The following FRYL variants were observed in gnomAD, a reference collection of about 807,000 sequenced individuals.
FRYL encodes FRY like transcription coactivator.
A neutral mutation model predicts 351.2 loss-of-function variants in FRYL; 150 were observed. That is an observed-to-expected ratio of 0.43 (90% CI 0.37 to 0.49). The LOEUF (loss-of-function observed/expected upper bound fraction) is 0.49, where lower values mean the gene tolerates loss of function less well. Among genes scored for constraint, FRYL ranks in the 20% least tolerant of loss-of-function variants. FRYL has a pLI of 0.00. For synonymous variants in FRYL, 1,153 were observed against 1,257.1 expected, an observed-to-expected ratio of 0.92 and a Z score of 1.75; for missense variants, 3,036 against 3,619.3, an observed-to-expected ratio of 0.84 and a Z score of 4.13.
chr4:48,736,417 T>A (rs1771407107), intron 1 of FRYL, among the ~76,000 whole-genome samples: 1 of 152,090 alleles, frequency 6.6e-6, no homozygotes, highest in Admixed American at 6.6e-5. Flanking sequence ...AGCTAGTTAT[T>A]TGAGAAGATC....
At chr4:48,652,046 T>A (rs1313637567) in intron 3 of FRYL, among the ~76,000 whole-genome samples, 1 of 152,194 alleles carries the variant, frequency 6.6e-6, no homozygotes, top group Non-Finnish European at 1.5e-5. Flanking sequence ...TACTAACTGC[T>A]AAAAAACAAA....
At chr4:48,537,326 G>C (rs1001101636) in intron 47 of FRYL, among the ~76,000 whole-genome samples, 1 of 152,044 alleles carries the variant, frequency 6.6e-6, no homozygotes, top group Non-Finnish European at 1.5e-5. Context: ...TTTAATTTTG[G>C]AATTTTTGAA....
chr4:48,710,947 G>A (rs1346817854), intron 1 of FRYL, among the ~76,000 whole-genome samples: 1 of 152,252 alleles, frequency 6.6e-6, no homozygotes, highest in South Asian at 2.1e-4. Flanking sequence ...CAACCTAAAT[G>A]TCATCAATTG....
Position 48,561,368 on chromosome 4 carries a change from T to G in FRYL, c.3865+100A>C, listed in dbSNP as rs1229597522. On this transcript the variant is annotated intron_variant, in intron 33 of 63. Transcript: ENST00000358350. ...TTCCTATGTAAAGACATGTCTGGTT[T>G]TGATTTAACCTGTAATTTAATAAAT... 8.1e-6 allele frequency: 6 copies of G among 736,750 alleles called. No homozygotes were observed. The East Asian group carries it at 1.7e-4, about 21-fold the overall frequency. The allele number at this position is 736,750 out of a possible 1,614,324, so 45.6% of individuals were successfully genotyped here. A position where few individuals can be genotyped will look rare whatever the true frequency, so the allele number is the denominator to read the frequency against.
rs1416398211 is a variant in FRYL at position 48,576,127 on chromosome 4, G to C, written c.2624C>G (p.Ala875Gly). ...TGCAGATGTGGAAGATGACGATGTTGCTGCACTGCAGCAAAGGATCAGATA... is the reference window on the plus strand; with the variant it reads ...TGCAGATGTGGAAGATGACGATGTTCCTGCACTGCAGCAAAGGATCAGATA... ...RNYLILCCSAATSSSSTSAGS... is the reference protein window; with the variant it reads ...RNYLILCCSAGTSSSSTSAGS... Residue 875 changes from alanine to glycine, a missense_variant, in exon 24 of 64, where the codon GCA (alanine) becomes GGA (glycine). Transcript: ENST00000358350. The C allele has an allele frequency of 6.2e-7, 1 of 1,613,972 alleles. No individual in the cohort carries two copies. The highest frequency in any genetic ancestry group is 2.2e-5 in the East Asian group (1 of 44,852).
chr4:48,762,505 C>T (rs1275001655), intron 1 of FRYL, among the ~76,000 whole-genome samples: 2 of 152,148 alleles, frequency 1.3e-5, no homozygotes, highest in African/African-American at 4.8e-5. Context: ...AGGTTACAGA[C>T]ACAGGATGGA....
At chr4:48,628,039 G>C (rs1752188695) in intron 4 of FRYL, among the ~76,000 whole-genome samples, 1 of 152,166 alleles carries the variant, frequency 6.6e-6, no homozygotes, top group South Asian at 2.1e-4. Flanking sequence ...CCAAAGTGCT[G>C]GGGTTACAGG....
chr4:48,751,087 A>G (rs1162187546), intron 1 of FRYL, among the ~76,000 whole-genome samples: 1 of 152,216 alleles, frequency 6.6e-6, no homozygotes, highest in Admixed American at 6.5e-5. Context: ...AGAATTACTA[A>G]TAGGCACAAT....
intron 4 of FRYL, among the ~76,000 whole-genome samples, chr4:48,624,119 G>A (rs188993850): frequency 3.0e-4 from 45 of 152,256 alleles, no homozygotes; most frequent in Non-Finnish European, 7.4e-5. Context: ...AATACTTTCA[G>A]GAGGTAACCT....
At chr4:48,528,449 A>G in intron 50 of FRYL, 113 bp from the exon 51 acceptor site, 1 of 707,474 alleles carries the variant, frequency 1.4e-6, no homozygotes, top group Non-Finnish European at 2.1e-6. Flanking sequence ...AAAGATGAGG[A>G]GAGAAATTAC....
At chr4:48,719,853 T>A (rs1043705690) in intron 1 of FRYL, among the ~76,000 whole-genome samples, 32 of 151,640 alleles carry the variant, frequency 2.1e-4, no homozygotes, top group African/African-American at 7.2e-4. Flanking sequence ...ACTGACTTTT[T>A]AAAAAATTGC....
At chr4:48,689,021 C>T (rs1765437716) in intron 2 of FRYL, among the ~76,000 whole-genome samples, 1 of 152,128 alleles carries the variant, frequency 6.6e-6, no homozygotes, top group Non-Finnish European at 1.5e-5. Context: ...ACTACACTGA[C>T]TAATATAATT....
intron 17 of FRYL, 26 bp downstream of exon 17, chr4:48,590,633 C>A: frequency 1.3e-6 from 2 of 1,501,314 alleles, no homozygotes; most frequent in East Asian, 4.5e-5. Context: ...TATTACAAAG[C>A]AACATTTAAT....
At chr4:48,656,169 A>T (rs2149450364) in intron 3 of FRYL, among the ~76,000 whole-genome samples, 1 of 135,294 alleles carries the variant, frequency 7.4e-6, no homozygotes, top group Admixed American at 7.9e-5. Context: ...ATTATACATT[A>T]TATAATGTAT....
intron 13 of FRYL, among the ~76,000 whole-genome samples, chr4:48,597,997 A>G (rs1744945437): frequency 6.6e-6 from 1 of 152,262 alleles, no homozygotes; most frequent in Non-Finnish European, 1.5e-5. Context: ...AACTTAATAT[A>G]AAACAAAATT....
intron 3 of FRYL, among the ~76,000 whole-genome samples, chr4:48,657,416 T>G (rs1421731426): frequency 6.6e-6 from 1 of 150,770 alleles, no homozygotes; most frequent in Non-Finnish European, 1.5e-5. Flanking sequence ...ACTAATCCTG[T>G]TTTTAAATTA....
At chr4:48,616,899 T>G (rs1749580236) in intron 7 of FRYL, among the ~76,000 whole-genome samples, 1 of 152,180 alleles carries the variant, frequency 6.6e-6, no homozygotes. Context: ...ACTCTCTGGA[T>G]CTATTAAACC....
intron 1 of FRYL, among the ~76,000 whole-genome samples, chr4:48,736,383 A>G (rs1771404517): frequency 1.3e-5 from 2 of 152,168 alleles, no homozygotes; most frequent in African/African-American, 4.8e-5. Flanking sequence ...ACAAAATTGA[A>G]AACAGGAAAT....
At chr4:48,507,543 T>TAGTTAGTTA (rs1210743748) in intron 59 of FRYL, among the ~76,000 whole-genome samples, 1 of 151,788 alleles carries the variant, frequency 6.6e-6, no homozygotes, top group East Asian at 1.9e-4. Flanking sequence ...AACAGTTAGT[T>TAGTTAGTTA]AGTTAGAGAA....
Sources: allele counts gnomAD v4.1 joint callset (sites outside exome capture counted in the v4.1 genomes callset), GRCh38; gene constraint gnomAD v4.1.1; transcripts MANE v1.5; gene names NCBI Gene and HGNC (gene_info 2026-07-23, HGNC 2026-07-21).